ACER3: variants seen among roughly 807,000 people sequenced by gnomAD.
The protein encoded by ACER3 is alkCDase 3.
Under a neutral mutation model 48.9 loss-of-function variants are expected in ACER3, and 16 were observed. The ratio of observed to expected loss-of-function variants is 0.33; its 90% CI spans 0.22 to 0.50. The LOEUF (loss-of-function observed/expected upper bound fraction) is 0.50. ACER3 is among the 20% of genes least tolerant of loss of function. ACER3 has a pLI of 0.98. For missense variants in ACER3, 227 were observed against 326.0 expected (o/e 0.70, Z 2.34); for synonymous variants, 109 against 107.8 (o/e 1.01, Z -0.07).
intron 2 of ACER3, among the ~76,000 whole-genome samples, chr11:76,938,970 T>TAAAAAA (rs57652669): frequency 2.1e-5 from 3 of 143,314 alleles, no homozygotes; most frequent in East Asian, 2.0e-4. Flanking sequence ...AAGAAAGTGC[T>TAAAAAA]AAAAAAAATG....
chr11:76,930,172 G>C (rs11535857), intron 2 of ACER3, among the ~76,000 whole-genome samples: 86,920 of 151,962 alleles, frequency 0.57, 28,052 homozygotes, highest in Non-Finnish European at 0.74. Context: ...AGGGATTCAG[G>C]TTCTTCCTGG....
chr11:77,019,628 G>A, intron 9 of ACER3, 103 bp from the exon 10 acceptor site: 1 of 1,080,200 alleles, frequency 9.3e-7, no homozygotes, highest in Non-Finnish European at 1.4e-6. Flanking sequence ...TGTTGTTTTT[G>A]CTTCGTACAT....
At chr11:76,917,484 TG>T (rs1039364095) in intron 1 of ACER3, among the ~76,000 whole-genome samples, 56 of 151,916 alleles carry the variant, frequency 3.7e-4, no homozygotes, top group African/African-American at 1.3e-3. Context: ...GGGGCTGAGG[TG>T]GGAGGATCAT....
chr11:76,996,919 T>C (rs931605630), intron 6 of ACER3, among the ~76,000 whole-genome samples: 7 of 151,752 alleles, frequency 4.6e-5, no homozygotes, highest in Non-Finnish European at 1.0e-4. Context: ...AGAGATGGGG[T>C]TTCACCATGT....
chr11:76,916,668 C>G (rs183308184), intron 1 of ACER3, among the ~76,000 whole-genome samples: 39 of 152,256 alleles, frequency 2.6e-4, no homozygotes, highest in Admixed American at 2.2e-3. Flanking sequence ...ATCAAAATAA[C>G]CATTTTCAGA....
At chr11:76,914,251 G>A (rs1946463836) in intron 1 of ACER3, among the ~76,000 whole-genome samples, 2 of 152,172 alleles carry the variant, frequency 1.3e-5, no homozygotes, top group Non-Finnish European at 2.9e-5. Context: ...TATCATCAGA[G>A]TGAACAGGCA....
intron 5 of ACER3, 62 bp downstream of exon 5, chr11:76,985,786 A>G: frequency 2.0e-6 from 2 of 990,568 alleles, no homozygotes; most frequent in South Asian, 1.9e-5. Flanking sequence ...GGAGTTTGAC[A>G]TATTTTACTT....
intron 3 of ACER3, among the ~76,000 whole-genome samples, chr11:76,976,087 G>A (rs1290455157): frequency 6.6e-6 from 1 of 151,944 alleles, no homozygotes. Flanking sequence ...GGATATTACT[G>A]TGTTACTCAG....
In ACER3 at chr11:76,942,357, G is replaced by A. The variant is rs1324836130; in HGVS notation, c.214+15690G>A. On this transcript the variant is annotated intron_variant, in intron 2 of 10. Transcript: ENST00000532485. Reference sequence around the variant, plus strand: ...ATATGTTCCTTCTATGCCTTGTTGAGGATTTTTGTTATGAAAGGATGTTGA... The same window carrying A: ...ATATGTTCCTTCTATGCCTTGTTGAAGATTTTTGTTATGAAAGGATGTTGA... 2.6e-5 allele frequency among the ~76,000 whole-genome samples: 4 copies of A among 151,738 alleles called. No homozygotes were observed. In the East Asian group the frequency reaches 7.7e-4, roughly 29 times the overall value.
At chr11:76,922,783 C>A (rs1038427997) in intron 1 of ACER3, among the ~76,000 whole-genome samples, 1 of 152,000 alleles carries the variant, frequency 6.6e-6, no homozygotes, top group African/African-American at 2.4e-5. Context: ...TCTTAACCCG[C>A]TTTTACTGTT....
intron 1 of ACER3, among the ~76,000 whole-genome samples, chr11:76,888,354 A>G (rs534842714): frequency 1.4e-4 from 21 of 152,310 alleles, no homozygotes; most frequent in South Asian, 2.1e-4. Flanking sequence ...TTTGCCTGGC[A>G]TATTTTTTCC....
intron 3 of ACER3, among the ~76,000 whole-genome samples, chr11:76,965,061 A>G (rs994140922): frequency 5.3e-5 from 8 of 151,160 alleles, no homozygotes; most frequent in Admixed American, 1.3e-4. Flanking sequence ...AAAAACCTTG[A>G]AAAAAAATAA....
rs398016733 is a variant in ACER3, at chr11:76,952,668, C to CTTTT, written c.215-6297_215-6294dup. ...TGGCTATAGAAGTTACGTAAGATTT[C>CTTTT]TTTTTTTTTTTTTTTTTAGACAGAG... On this transcript the variant is annotated intron_variant, in intron 2 of 10. Coordinates refer to ENST00000532485, the MANE Select transcript of ACER3 (RefSeq NM_018367.7). 1.8e-3 allele frequency among the ~76,000 whole-genome samples: 238 copies of CTTTT among 132,996 alleles called. 1 individual carries two copies. The highest frequency in any genetic ancestry group is 4.1e-3 in the South Asian group (17 of 4,194). The allele number at this position is 132,996 out of a possible 152,430, so 87.3% of individuals were successfully genotyped here. A position where few individuals can be genotyped will look rare whatever the true frequency, so the allele number is the denominator to read the frequency against.
chr11:76,904,189 G>A (rs1216727087), intron 1 of ACER3, among the ~76,000 whole-genome samples: 1 of 151,984 alleles, frequency 6.6e-6, no homozygotes, highest in African/African-American at 2.4e-5. Context: ...GTTTCACCAT[G>A]TTGGCCAGGC....
chr11:76,968,625 C>G (rs899684370), intron 3 of ACER3, among the ~76,000 whole-genome samples: 2 of 152,148 alleles, frequency 1.3e-5, no homozygotes, highest in African/African-American at 4.8e-5. Flanking sequence ...ACAGAGCCCT[C>G]AGAAATAATG....
At chr11:76,967,986 A>G (rs2135105136) in intron 3 of ACER3, among the ~76,000 whole-genome samples, 1 of 152,308 alleles carries the variant, frequency 6.6e-6, no homozygotes, top group South Asian at 2.1e-4. Flanking sequence ...CAATTAGGAA[A>G]AGAGGAAGTC....
chr11:76,873,429 G>C (rs564511674), intron 1 of ACER3, among the ~76,000 whole-genome samples: 16 of 152,204 alleles, frequency 1.1e-4, no homozygotes, highest in Non-Finnish European at 2.4e-4. Context: ...AACCAAGTTA[G>C]GTGTTGATTA....
chr11:76,961,943 C>A (rs1948005034), intron 3 of ACER3, among the ~76,000 whole-genome samples: 1 of 150,448 alleles, frequency 6.6e-6, no homozygotes, highest in South Asian at 2.1e-4. Context: ...GTGGGAAACA[C>A]CTTAATCAAG....
At chr11:76,928,613 G>A (rs990764503) in intron 2 of ACER3, among the ~76,000 whole-genome samples, 11 of 152,064 alleles carry the variant, frequency 7.2e-5, no homozygotes, top group Non-Finnish European at 1.3e-4. Context: ...TTAAGTCTTT[G>A]ATCCATCTTG....
Sources: allele counts gnomAD v4.1 joint callset (sites outside exome capture counted in the v4.1 genomes callset), GRCh38; gene constraint gnomAD v4.1.1; transcripts MANE v1.5; gene names NCBI Gene and HGNC (gene_info 2026-07-23, HGNC 2026-07-21).